The following HPCA variants were observed in gnomAD, a reference collection of about 807,000 sequenced individuals.
The protein encoded by HPCA is hippocalcin.
In HPCA, 4 loss-of-function variants were observed where a neutral mutation model predicts 18.2. The observed-to-expected ratio is 0.22, with a 90% CI of 0.11 to 0.50. The LOEUF is 0.50. Ranked by LOEUF, HPCA falls within the 20% of genes least tolerant of loss-of-function variation. The probability of loss-of-function intolerance (pLI) is 0.97; values close to 1 mark genes in which losing one functional copy is unlikely to be tolerated. For missense variants in HPCA, 161 were observed against 265.8 expected (o/e 0.61, Z 2.74); for synonymous variants, 93 against 103.5 (o/e 0.90, Z 0.61).
In HPCA at chr1:32,889,650, A is replaced by T. The variant is rs1235724646; in HGVS notation, c.378+374A>T. The stretch of plus-strand genomic sequence containing the variant: ...ATTCTCTTACATAACCCATAATATG[A>T]TTACCAAAGCCAGGATATTTAACAT... On this transcript the variant is annotated intron_variant, in intron 2 of 3. Coordinates refer to ENST00000373467, the MANE Select transcript of HPCA (RefSeq NM_002143.3). The surrounding 1 kb of genome is among the most constrained non-coding windows in gnomAD (Gnocchi z 4.6). Among the ~76,000 whole-genome samples, 1 of 152,214 alleles carries T rather than the reference A, an allele frequency of 6.6e-6. No individual in the cohort carries two copies. The highest frequency in any genetic ancestry group is 1.5e-5 in the Non-Finnish European group (1 of 68,034).
chr1:32,894,038 G>C lies in HPCA; in HGVS notation c.*176G>C, dbSNP rs1641521244. ...CTGCGGTACCCCCAGGCCAAAGCAAGTAAGCGGTTAGCACCCCCCAATCCC... is the reference window on the plus strand; with the variant it reads ...CTGCGGTACCCCCAGGCCAAAGCAACTAAGCGGTTAGCACCCCCCAATCCC... On this transcript the variant is annotated 3_prime_UTR_variant, in exon 4 of 4. Transcript: ENST00000373467. 1 of 598,008 alleles carries C rather than the reference G, an allele frequency of 1.7e-6. No homozygotes were observed. The highest frequency in any genetic ancestry group is 3.0e-6 in the Non-Finnish European group (1 of 336,590). The allele number at this position is 598,008 out of a possible 1,614,324, so 37.0% of individuals were successfully genotyped here.
upstream of HPCA, among the ~76,000 whole-genome samples, chr1:32,886,276 C>T (rs1423106984): frequency 2.6e-5 from 4 of 152,058 alleles, no homozygotes; most frequent in Non-Finnish European, 4.4e-5. This position sits in a 1 kb window ranked among gnomAD's most constrained non-coding sequence, Gnocchi z 7.0. Context: ...CAGGGTGCTC[C>T]CTCGAGGGGG....
chr1:32,889,408 A>AT lies in HPCA; in HGVS notation c.378+134dup. 9.2e-7 allele frequency: 1 copy of AT among 1,089,256 alleles called. No individual in the cohort carries two copies. Among genetic ancestry groups the AT allele is most frequent in the Non-Finnish European group, 1.3e-6 (1 of 781,122 alleles). 67.5% of individuals were successfully genotyped at this position (1,089,256 alleles called of 1,614,324 possible). On this transcript the variant is annotated intron_variant, in intron 2 of 3. Transcript: ENST00000373467. The surrounding 1 kb of genome is among the most constrained non-coding windows in gnomAD (Gnocchi z 4.6). Reference sequence around the variant, plus strand: ...ATATTCTTGCAATCCCATTTTAAAAATTGTTTTTAGGAAATATTTCCCATT... The same window carrying AT: ...ATATTCTTGCAATCCCATTTTAAAAATTTGTTTTTAGGAAATATTTCCCATT...
chr1:32,890,823 G>T (rs1449679746), intron 2 of HPCA, among the ~76,000 whole-genome samples: 1 of 152,202 alleles, frequency 6.6e-6, no homozygotes, highest in Non-Finnish European at 1.5e-5. Context: ...TTCTCTCCAG[G>T]TGGAGATGTG....
At position 32,889,018 on chromosome 1, in the gene HPCA, A is replaced by C; in HGVS notation, c.120A>C (p.Thr40=). Residue 40 remains threonine, a synonymous_variant, in exon 2 of 4, where the codon ACA becomes ACC. Transcript: ENST00000373467. The surrounding 1 kb of genome is among the most constrained non-coding windows in gnomAD (Gnocchi z 4.6). ...AGGGCTTCCTCAAGGACTGCCCCAC[A>C]GGAATCCTCAATGTGGATGAGTTCA... is the stretch of plus-strand genomic sequence containing the variant. ...WYKGFLKDCP[T]GILNVDEFKK... is the part of the protein sequence containing the mutation. 4 of 1,614,222 alleles carry C rather than the reference A, an allele frequency of 2.5e-6. No individual in the cohort carries two copies. Among genetic ancestry groups the C allele is most frequent in the Non-Finnish European group, 3.4e-6 (4 of 1,180,042 alleles).
chr1:32,887,802 G>A (rs1301498377), intron 1 of HPCA, among the ~76,000 whole-genome samples: 2 of 152,154 alleles, frequency 1.3e-5, no homozygotes, highest in Non-Finnish European at 2.9e-5. Context: ...ATGTGGGGTC[G>A]TGGGCTGGTG....
intron 2 of HPCA, among the ~76,000 whole-genome samples, chr1:32,891,756 C>T (rs1250758912): frequency 6.6e-6 from 1 of 152,130 alleles, no homozygotes; most frequent in East Asian, 1.9e-4. Flanking sequence ...ACTACCAGAC[C>T]CCTCTATTCA....
Position 32,893,395 on chromosome 1 carries a change from C to T in HPCA, c.379-129C>T. The T allele has an allele frequency of 1.5e-6, 1 of 664,546 alleles. No homozygotes were observed. The highest frequency in any genetic ancestry group is 2.7e-5 in the East Asian group (1 of 36,590). The allele number at this position is 664,546 out of a possible 1,614,324, so 41.2% of individuals were successfully genotyped here. ...CGAAGCCCTCGGCTCCCCACGCCTCCGTGATTCCCCACTCCACCTTGCCCA... is the reference window on the plus strand; with the variant it reads ...CGAAGCCCTCGGCTCCCCACGCCTCTGTGATTCCCCACTCCACCTTGCCCA... On this transcript the variant is annotated intron_variant, in intron 2 of 3. Transcript: ENST00000373467. The surrounding 1 kb of genome is among the most constrained non-coding windows in gnomAD (Gnocchi z 7.5).
rs895320326 is a variant in HPCA, at chr1:32,886,824, T to A, written c.-22+309T>A. Among the ~76,000 whole-genome samples, 5 of 151,686 alleles carry A rather than the reference T, an allele frequency of 3.3e-5. No individual in the cohort carries two copies. The highest frequency in any genetic ancestry group is 3.9e-4 in the East Asian group (2 of 5,134). On this transcript the variant is annotated intron_variant, in intron 1 of 3. Transcript: ENST00000373467. This position sits in a 1 kb window ranked among gnomAD's most constrained non-coding sequence, Gnocchi z 7.0. ...GGCTGGGGGACAGAGCTGAGGGAGG[T>A]TTGGAGCGGGTCCCCGGGGCTGGCT...
At position 32,894,192 on chromosome 1, in the gene HPCA, G is replaced by T; in HGVS notation, c.*330G>T. 3.1e-6 allele frequency: 1 copy of T among 325,584 alleles called. No individual in the cohort carries two copies. Among genetic ancestry groups the T allele is most frequent in the African/African-American group, 2.1e-5 (1 of 47,604 alleles). The allele number at this position is 325,584 out of a possible 1,614,324, so 20.2% of individuals were successfully genotyped here. The stretch of plus-strand genomic sequence containing the variant: ...CCCCTTCTTGCAGGTCTCAGCTTGC[G>T]GGGTGGGGGGAGTCATGCCCAGGGG... On this transcript the variant is annotated 3_prime_UTR_variant, in exon 4 of 4. Transcript: ENST00000373467.
Position 32,893,646 on chromosome 1 carries a change from G to C in HPCA, c.484+17G>C. The C allele has an allele frequency of 6.3e-7, 1 of 1,579,566 alleles. No individual in the cohort carries two copies. The highest frequency in any genetic ancestry group is 8.7e-7 in the Non-Finnish European group (1 of 1,150,000). The stretch of plus-strand genomic sequence containing the variant: ...ACAACGACGGTGAGGGGCAGGGGCG[G>C]GACGGGGTGGACGGGGCGGGCGCCT... On this transcript the variant is annotated intron_variant, in intron 3 of 3. Coordinates refer to ENST00000373467, the MANE Select transcript of HPCA (RefSeq NM_002143.3). The surrounding 1 kb of genome is among the most constrained non-coding windows in gnomAD (Gnocchi z 7.5).
chr1:32,887,255 T>A (rs1177880989), intron 1 of HPCA, among the ~76,000 whole-genome samples: 1 of 152,008 alleles, frequency 6.6e-6, no homozygotes, highest in Non-Finnish European at 1.5e-5. Flanking sequence ...GCATACCTGA[T>A]CACATGCACA....
At position 32,889,055 on chromosome 1, in the gene HPCA, G is replaced by T; in HGVS notation, c.157G>T (p.Ala53Ser). ...LNVDEFKKIYANFFPYGDASK... is the reference protein window; with the variant it reads ...LNVDEFKKIYSNFFPYGDASK... ...TGTGGATGAGTTCAAGAAGATCTAC[G>T]CCAACTTCTTTCCCTATGGTGACGC... The change falls in exon 2 of 4, where the codon GCC becomes TCC. Residue 53 changes from alanine to serine, a missense_variant. Physicochemically the swap from Ala to Ser is moderately conservative, Grantham distance 99 (BLOSUM62 1). Transcript: ENST00000373467. This position sits in a 1 kb window ranked among gnomAD's most constrained non-coding sequence, Gnocchi z 4.6. The T allele has an allele frequency of 6.2e-7, 1 of 1,614,200 alleles. No individual in the cohort carries two copies. The highest frequency in any genetic ancestry group is 8.5e-7 in the Non-Finnish European group (1 of 1,180,030).
In HPCA at chr1:32,888,843, A is replaced by G. The variant is rs1478910355; in HGVS notation, c.-21-35A>G. ...GTCTAGTAGCCAGGAGGGCCTGATC[A>G]CTCCTCTCTGCCCTTGACCCCCTTG... On this transcript the variant is annotated intron_variant, in intron 1 of 3. Coordinates refer to ENST00000373467, the MANE Select transcript of HPCA (RefSeq NM_002143.3). 1.9e-6 allele frequency: 3 copies of G among 1,550,356 alleles called. No individual in the cohort carries two copies. In the East Asian group the frequency reaches 6.7e-5, roughly 35 times the overall value.
At chr1:32,887,725 C>A (rs138176608) in intron 1 of HPCA, among the ~76,000 whole-genome samples, 2 of 152,238 alleles carry the variant, frequency 1.3e-5, no homozygotes, top group African/African-American at 4.8e-5. Flanking sequence ...GCCTGAAGGT[C>A]CCACGTGCAG....
chr1:32,886,273 C>T (rs1641360322), upstream of HPCA, among the ~76,000 whole-genome samples: 1 of 152,058 alleles, frequency 6.6e-6, no homozygotes, highest in Non-Finnish European at 1.5e-5. The surrounding 1 kb of genome is among the most constrained non-coding windows in gnomAD (Gnocchi z 7.0). Context: ...GGGCAGGGTG[C>T]TCCCTCGAGG....
chr1:32,889,637 A>G lies in HPCA; in HGVS notation c.378+361A>G, dbSNP rs565897172. Reference sequence around the variant, plus strand: ...TAAAAATAAGCACATTCTCTTACATAACCCATAATATGATTACCAAAGCCA... The same window carrying G: ...TAAAAATAAGCACATTCTCTTACATGACCCATAATATGATTACCAAAGCCA... On this transcript the variant is annotated intron_variant, in intron 2 of 3. Transcript: ENST00000373467. The surrounding 1 kb of genome is among the most constrained non-coding windows in gnomAD (Gnocchi z 4.6). 3.9e-5 allele frequency among the ~76,000 whole-genome samples: 6 copies of G among 152,342 alleles called. No individual in the cohort carries two copies. In the East Asian group the frequency reaches 1.2e-3, roughly 29 times the overall value.
rs572353027 is a variant in HPCA, at chr1:32,888,782, G to A, written c.-21-96G>A. 7 of 1,156,426 alleles carry A rather than the reference G, an allele frequency of 6.1e-6. No individual in the cohort carries two copies. The Admixed American group carries it at 6.8e-5, about 11-fold the overall frequency. The allele number at this position is 1,156,426 out of a possible 1,614,324, so 71.6% of individuals were successfully genotyped here. On this transcript the variant is annotated intron_variant, in intron 1 of 3. Transcript: ENST00000373467. ...TTTCACTGGGCCAAACAAGAGGCAGGGATGGCTGTTGGCAGGGGGGCCCAT... is the reference window on the plus strand; with the variant it reads ...TTTCACTGGGCCAAACAAGAGGCAGAGATGGCTGTTGGCAGGGGGGCCCAT...
chr1:32,893,025 C>T lies in HPCA; in HGVS notation c.379-499C>T, dbSNP rs1480337719. Reference sequence around the variant, plus strand: ...GCCCAGCTGCCTCTGGCCCTCCAGCCCGCGCCGCGCCCCCTGCCGGCAGCA... The same window carrying T: ...GCCCAGCTGCCTCTGGCCCTCCAGCTCGCGCCGCGCCCCCTGCCGGCAGCA... On this transcript the variant is annotated intron_variant, in intron 2 of 3. Coordinates refer to ENST00000373467, the MANE Select transcript of HPCA (RefSeq NM_002143.3). The surrounding 1 kb of genome is among the most constrained non-coding windows in gnomAD (Gnocchi z 7.5). Among the ~76,000 whole-genome samples the T allele has an allele frequency of 6.6e-6, 1 of 151,816 alleles. No individual in the cohort carries two copies. Among genetic ancestry groups the T allele is most frequent in the Non-Finnish European group, 1.5e-5 (1 of 67,820 alleles).
Sources: gnomAD v4.1 joint callset for allele counts (sites outside exome capture counted in the v4.1 genomes callset) on GRCh38, gnomAD v4.1.1 for gene constraint, Gnocchi (gnomAD v3.1) non-coding constraint, MANE v1.5 for transcripts, NCBI Gene and HGNC (gene_info 2026-07-23, HGNC 2026-07-21) for gene names.